The following ALK variants were observed in gnomAD, a reference collection of about 807,000 sequenced individuals.
ALK encodes the protein ALK tyrosine kinase receptor.
A neutral mutation model predicts 163.1 loss-of-function variants in ALK; 74 were observed. That is an observed-to-expected ratio of 0.45 (90% confidence interval 0.38 to 0.55). ALK has a LOEUF of 0.55. ALK is among the 20% of genes least tolerant of loss of function. The pLI, the probability that ALK is intolerant of heterozygous loss-of-function variation, is 0.00. For missense variants in ALK, 2,063 were observed against 2,105.3 expected (o/e 0.98, Z 0.39); for synonymous variants, 960 against 843.2 (o/e 1.14, Z -2.40).
chr2:29,653,238 G>A (rs575292670), intron 3 of ALK, among the ~76,000 whole-genome samples: 3 of 152,232 alleles, frequency 2.0e-5, no homozygotes, highest in East Asian at 3.9e-4. Flanking sequence ...CGTGAGAGCT[G>A]AGAAACCCAA....
At chr2:29,883,393 C>A (rs1666914100) in intron 1 of ALK, among the ~76,000 whole-genome samples, 1 of 152,170 alleles carries the variant, frequency 6.6e-6, no homozygotes, top group South Asian at 2.1e-4. Flanking sequence ...TCCTTCAAGG[C>A]CCAGGTTTAG....
At chr2:29,276,896 A>T (rs1014667954) in intron 9 of ALK, among the ~76,000 whole-genome samples, 8 of 152,164 alleles carry the variant, frequency 5.3e-5, no homozygotes, top group African/African-American at 1.9e-4. Flanking sequence ...ATGCTCAGAA[A>T]CGGGATTGTG....
At chr2:29,663,330 A>T (rs550273295) in intron 3 of ALK, among the ~76,000 whole-genome samples, 1 of 152,298 alleles carries the variant, frequency 6.6e-6, no homozygotes, top group South Asian at 2.1e-4. Flanking sequence ...ACTCTTATTA[A>T]TCACTTCAGG....
At chr2:29,470,475 A>G (rs1671322492) in intron 4 of ALK, among the ~76,000 whole-genome samples, 1 of 152,222 alleles carries the variant, frequency 6.6e-6, no homozygotes. Flanking sequence ...AAATCTTTAA[A>G]ATAGCCAGAG....
At chr2:29,465,051 CT>C (rs1671175839) in intron 4 of ALK, among the ~76,000 whole-genome samples, 1 of 152,126 alleles carries the variant, frequency 6.6e-6, no homozygotes, top group Non-Finnish European at 1.5e-5. Flanking sequence ...TTGTTGAAAA[CT>C]TTAAGTTCAC....
intron 3 of ALK, among the ~76,000 whole-genome samples, chr2:29,566,338 T>G (rs575836535): frequency 6.6e-6 from 1 of 152,338 alleles, no homozygotes; most frequent in South Asian, 2.1e-4. Context: ...TCATTTTATT[T>G]AAGATGCTAA....
intron 4 of ALK, among the ~76,000 whole-genome samples, chr2:29,459,195 C>T (rs1573372567): frequency 6.6e-6 from 1 of 152,008 alleles, no homozygotes; most frequent in South Asian, 2.1e-4. Context: ...CATTCTTATT[C>T]TCCATTGAAA....
intron 1 of ALK, among the ~76,000 whole-genome samples, chr2:29,781,383 T>G (rs954533810): frequency 6.6e-6 from 1 of 152,206 alleles, no homozygotes; most frequent in Non-Finnish European, 1.5e-5. Context: ...CTCCCAGGCT[T>G]ACTGATAGGT....
At chr2:29,264,904 G>T (rs923805719) in intron 11 of ALK, among the ~76,000 whole-genome samples, 4 of 152,180 alleles carry the variant, frequency 2.6e-5, no homozygotes, top group Non-Finnish European at 2.9e-5. Flanking sequence ...CTTCTGAGGA[G>T]CTGGCGCACA....
intron 3 of ALK, among the ~76,000 whole-genome samples, chr2:29,572,439 A>G (rs1204740383): frequency 6.6e-6 from 1 of 152,158 alleles, no homozygotes; most frequent in East Asian, 1.9e-4. Flanking sequence ...GTCTGGTCAT[A>G]CTGATGGCTC....
At chr2:29,513,499 C>A (rs1672579207) in intron 4 of ALK, among the ~76,000 whole-genome samples, 1 of 149,556 alleles carries the variant, frequency 6.7e-6, no homozygotes, top group Non-Finnish European at 1.5e-5. Flanking sequence ...AAAATCAATT[C>A]AAGATGGATT....
chr2:29,417,867 C>G (rs748081413), intron 4 of ALK, among the ~76,000 whole-genome samples: 1 of 152,182 alleles, frequency 6.6e-6, no homozygotes, highest in Non-Finnish European at 1.5e-5. Flanking sequence ...TAACAGCATG[C>G]TTTAGACCCG....
At chr2:29,208,546 G>A (rs1259355251) in intron 25 of ALK, among the ~76,000 whole-genome samples, 1 of 152,168 alleles carries the variant, frequency 6.6e-6, no homozygotes, top group African/African-American at 2.4e-5. Flanking sequence ...AGAGGAGTGC[G>A]ACGGATAGCA....
chr2:29,567,745 A>C (rs1326751478), intron 3 of ALK, among the ~76,000 whole-genome samples: 1 of 152,218 alleles, frequency 6.6e-6, no homozygotes, highest in African/African-American at 2.4e-5. Flanking sequence ...CAGTTCAGGT[A>C]AAATGTAAGC....
At chr2:29,351,618 A>G (rs566606066) in intron 5 of ALK, among the ~76,000 whole-genome samples, 1 of 152,316 alleles carries the variant, frequency 6.6e-6, no homozygotes, top group African/African-American at 2.4e-5. Flanking sequence ...GACTGGAGCA[A>G]TCAGATTCTC....
intron 4 of ALK, among the ~76,000 whole-genome samples, chr2:29,511,922 A>C (rs575213622): frequency 1.3e-4 from 20 of 152,140 alleles, no homozygotes; most frequent in Non-Finnish European, 2.5e-4. Flanking sequence ...AACGTCTATT[A>C]AAATATTTTG....
rs759270358 is a variant in ALK at position 29,320,907 on chromosome 2, A to G, written c.1415-25T>C. The stretch of plus-strand genomic sequence containing the variant: ...CCTATGGAGAGAGCAGAGAGGCACC[A>G]TCATTTTCAGGACCACTAAAGGCAA... On this transcript the variant is annotated intron_variant, in intron 6 of 28. Transcript: ENST00000389048. 2.0e-5 allele frequency: 33 copies of G among 1,614,020 alleles called. 1 individual carries two copies. Among genetic ancestry groups the G allele is most frequent in the African/African-American group, 6.7e-5 (5 of 74,932 alleles).
intron 3 of ALK, among the ~76,000 whole-genome samples, chr2:29,626,682 T>C (rs1393331467): frequency 1.3e-5 from 2 of 152,166 alleles, no homozygotes; most frequent in Non-Finnish European, 2.9e-5. Flanking sequence ...AAGGTGGCCA[T>C]ATGCAAGCCA....
rs563753146 is a variant in ALK at position 29,255,065 on chromosome 2, T to C, written c.2042-3798A>G. Among the ~76,000 whole-genome samples the C allele has an allele frequency of 4.6e-5, 7 of 152,328 alleles. No individual in the cohort carries two copies. In the South Asian group the frequency reaches 1.4e-3, roughly 32 times the overall value. On this transcript the variant is annotated intron_variant, in intron 11 of 28. Coordinates refer to ENST00000389048, the MANE Select transcript of ALK (RefSeq NM_004304.5). ...CATGATTTATCTTGCCAGAATTCTG[T>C]TGCTCCCAGCAGCCTTCAAGGCATG... is the stretch of plus-strand genomic sequence containing the variant.
Sources: gnomAD v4.1 joint callset for allele counts (sites outside exome capture counted in the v4.1 genomes callset) on GRCh38, gnomAD v4.1.1 for gene constraint, MANE v1.5 for transcripts, NCBI Gene and HGNC (gene_info 2026-07-23, HGNC 2026-07-21) for gene names.